The following TRPC4 variants were observed in gnomAD, a reference collection of about 807,000 sequenced individuals.
TRPC4 encodes the protein short transient receptor potential channel 4.
A neutral mutation model predicts 99.4 loss-of-function variants in TRPC4; 49 were observed. The ratio of observed to expected loss-of-function variants is 0.49; its 90% CI spans 0.39 to 0.63. TRPC4 has a LOEUF of 0.63. TRPC4 is among the 20% of genes least tolerant of loss of function. TRPC4 has a pLI of 0.00. For synonymous variants in TRPC4, 454 were observed against 425.9 expected (o/e 1.07, Z -0.81); for missense variants, 898 against 1,152.9 (o/e 0.78, Z 3.20).
At chr13:37,723,782 T>C (rs775122145) in intron 3 of TRPC4, among the ~76,000 whole-genome samples, 1 of 152,136 alleles carries the variant, frequency 6.6e-6, no homozygotes, top group African/African-American at 2.4e-5. Flanking sequence ...CTTGAACTCC[T>C]AAACTCAAGT....
chr13:37,862,410 A>G (rs1026086082), intron 1 of TRPC4, among the ~76,000 whole-genome samples: 2 of 151,632 alleles, frequency 1.3e-5, no homozygotes, highest in African/African-American at 4.8e-5. Context: ...AATAGTGTCA[A>G]TAATGCTATT....
chr13:37,639,383 T>G, intron 8 of TRPC4, 84 bp from the exon 9 acceptor site: 2 of 1,397,584 alleles, frequency 1.4e-6, no homozygotes, highest in Non-Finnish European at 2.0e-6. Flanking sequence ...ATCGATAATG[T>G]TTTTATTCTT....
intron 1 of TRPC4, among the ~76,000 whole-genome samples, chr13:37,805,286 C>T (rs1017945926): frequency 1.3e-5 from 2 of 151,912 alleles, no homozygotes; most frequent in African/African-American, 4.8e-5. Flanking sequence ...TGCAAATACG[C>T]CACAGACAAC....
chr13:37,643,536 G>A (rs1441212304), intron 8 of TRPC4, among the ~76,000 whole-genome samples: 1 of 152,206 alleles, frequency 6.6e-6, no homozygotes, highest in African/African-American at 2.4e-5. Flanking sequence ...ATTAGGACAA[G>A]GGGAGGTGCA....
intron 3 of TRPC4, among the ~76,000 whole-genome samples, chr13:37,699,606 C>T (rs568872276): frequency 6.6e-6 from 1 of 152,304 alleles, no homozygotes; most frequent in East Asian, 1.9e-4. Context: ...AGATTCTATT[C>T]TCTGCAGACT....
intron 1 of TRPC4, among the ~76,000 whole-genome samples, chr13:37,845,997 G>C (rs979197874): frequency 7.9e-5 from 12 of 152,118 alleles, no homozygotes; most frequent in South Asian, 2.1e-4. Flanking sequence ...AACACTTCAG[G>C]CCAGAAGAGA....
rs57068516 is a variant in TRPC4, at chr13:37,650,612, T to TACACACACACACACACACACACAC, written c.2079+652_2079+653insGTGTGTGTGTGTGTGTGTGTGTGT. Among the ~76,000 whole-genome samples the TACACACACACACACACACACACAC allele has an allele frequency of 4.9e-3, 690 of 140,360 alleles. 1 individual carries two copies. Among genetic ancestry groups the TACACACACACACACACACACACAC allele is most frequent in the African/African-American group, 0.017 (634 of 36,806 alleles). The allele number at this position is 140,360 out of a possible 152,430, so 92.1% of individuals were successfully genotyped here. ...CTCTGTCTCTCTCTCTCTCTCTCTA[T>TACACACACACACACACACACACAC]ACACACACACACACACACACACATA... is the stretch of plus-strand genomic sequence containing the variant. On this transcript the variant is annotated intron_variant, in intron 8 of 10. Transcript: ENST00000379705.
At chr13:37,664,941 A>C (rs1271293151) in intron 5 of TRPC4, among the ~76,000 whole-genome samples, 1 of 152,224 alleles carries the variant, frequency 6.6e-6, no homozygotes, top group African/African-American at 2.4e-5. Context: ...GCAGTGTAAA[A>C]CAATCAAGTT....
chr13:37,663,544 T>C lies in TRPC4; in HGVS notation c.1560A>G (p.Leu520=), dbSNP rs1488118273. The part of the protein sequence containing the change: ...GRMLLDILKF[L]FIYCLVLLAF... ...CTAGCAACACAAGGCAGTATATGAA[T>C]AGAAACTTCAAAATGTCCAGGAGCA... Residue 520 remains leucine, a synonymous_variant, in exon 6 of 11, where the codon CTA becomes CTG. Transcript: ENST00000379705. The C allele has an allele frequency of 9.9e-6, 16 of 1,614,126 alleles. No homozygotes were observed. Among genetic ancestry groups the C allele is most frequent in the Non-Finnish European group, 1.2e-5 (14 of 1,180,036 alleles).
intron 1 of TRPC4, among the ~76,000 whole-genome samples, chr13:37,834,399 T>A (rs964073320): frequency 1.3e-5 from 2 of 152,216 alleles, no homozygotes; most frequent in African/African-American, 4.8e-5. Context: ...CATTAAAGAA[T>A]CAAAACTTTG....
At chr13:37,865,219 T>C (rs9548085) in intron 1 of TRPC4, among the ~76,000 whole-genome samples, 61,912 of 151,258 alleles carry the variant, frequency 0.41, 14,030 homozygotes, top group Admixed American at 0.55. Flanking sequence ...AAAATTAAAA[T>C]TTCAGGGAAA....
intron 3 of TRPC4, among the ~76,000 whole-genome samples, chr13:37,732,768 G>T (rs1955279219): frequency 6.6e-6 from 1 of 152,064 alleles, no homozygotes; most frequent in African/African-American, 2.4e-5. Context: ...GGAGGTGAAA[G>T]ATCTTTACAA....
intron 2 of TRPC4, among the ~76,000 whole-genome samples, chr13:37,782,464 G>A (rs1047612638): frequency 6.6e-6 from 1 of 152,020 alleles, no homozygotes; most frequent in African/African-American, 2.4e-5. Context: ...ACTAGAGTTT[G>A]TTAAAGGATA....
chr13:37,679,737 CTCATGAGA>C (rs1231399985), intron 4 of TRPC4, among the ~76,000 whole-genome samples: 4 of 152,132 alleles, frequency 2.6e-5, no homozygotes, highest in Non-Finnish European at 5.9e-5. Context: ...AAATAAATCT[CTCATGAGA>C]GGTCAGATAG....
At chr13:37,674,070 A>AT (rs750522737) in intron 5 of TRPC4, among the ~76,000 whole-genome samples, 158 bp downstream of exon 5, 11 of 152,212 alleles carry the variant, frequency 7.2e-5, no homozygotes, top group Middle Eastern at 3.4e-3. Flanking sequence ...TTATTTATGT[A>AT]TTTTTATCCC....
At chr13:37,822,113 TAAAC>T (rs959359227) in intron 1 of TRPC4, among the ~76,000 whole-genome samples, 11 of 151,664 alleles carry the variant, frequency 7.3e-5, no homozygotes, top group African/African-American at 2.4e-4. Context: ...TTATAAGAAA[TAAAC>T]AAACAACCCC....
intron 1 of TRPC4, among the ~76,000 whole-genome samples, chr13:37,828,284 T>C (rs1460248800): frequency 2.6e-5 from 4 of 152,180 alleles, no homozygotes; most frequent in Non-Finnish European, 5.9e-5. Flanking sequence ...TATTCGGCCA[T>C]CTTGGCTCCT....
rs1038650083 is a variant in TRPC4, at chr13:37,636,177, T to C, written c.*726A>G. On this transcript the variant is annotated 3_prime_UTR_variant, in exon 11 of 11. Coordinates refer to ENST00000379705, the MANE Select transcript of TRPC4 (RefSeq NM_016179.4). ...ATTTATACTGATAAGCAGTTGAATC[T>C]GAAATAGGTAATTAAAAAAACTGGA... Among the ~76,000 whole-genome samples the C allele has an allele frequency of 5.3e-5, 8 of 152,058 alleles. No homozygotes were observed. Among genetic ancestry groups the C allele is most frequent in the African/African-American group, 1.9e-4 (8 of 41,410 alleles).
intron 3 of TRPC4, among the ~76,000 whole-genome samples, chr13:37,695,222 C>T (rs1953867894): frequency 6.6e-6 from 1 of 151,974 alleles, no homozygotes; most frequent in Non-Finnish European, 1.5e-5. Context: ...CTCCCTTCCT[C>T]TCCCTGTGTC....
Sources: gnomAD v4.1 joint callset for allele counts (sites outside exome capture counted in the v4.1 genomes callset) on GRCh38, gnomAD v4.1.1 for gene constraint, MANE v1.5 for transcripts, NCBI Gene and HGNC (gene_info 2026-07-23, HGNC 2026-07-21) for gene names.